The following TRDN variants were observed in gnomAD, a reference collection of about 807,000 sequenced individuals.
TRDN encodes triadin, also known as triadin in skeletal muscle.
In TRDN, 161 loss-of-function variants were observed where a neutral mutation model predicts 149.7. The observed-to-expected ratio is 1.08, with a 90% CI of 0.95 to 1.23. The LOEUF is 1.23. TRDN is among the 50% of genes most tolerant of loss of function. The pLI is 0.00. For synonymous variants in TRDN, 294 were observed against 250.5 expected (o/e 1.17, Z -1.64); for missense variants, 896 against 823.5 (o/e 1.09, Z -1.08).
chr6:123,461,690 C>T (rs1023851562), intron 10 of TRDN, among the ~76,000 whole-genome samples: 3 of 152,140 alleles, frequency 2.0e-5, no homozygotes, highest in African/African-American at 7.2e-5. Flanking sequence ...GCAACATTGC[C>T]TGAAGTTGTT....
chr6:123,545,211 C>G (rs1176078198), intron 4 of TRDN, among the ~76,000 whole-genome samples: 1 of 151,858 alleles, frequency 6.6e-6, no homozygotes, highest in African/African-American at 2.4e-5. Flanking sequence ...TTTTAAAAGA[C>G]TATCATTCTA....
At chr6:123,560,011 T>C (rs921137698) in intron 2 of TRDN, among the ~76,000 whole-genome samples, 22 of 152,326 alleles carry the variant, frequency 1.4e-4, no homozygotes, top group African/African-American at 4.8e-4. Context: ...ACAGACCCCA[T>C]GACTTCAGTC....
chr6:123,262,054 C>CAGTCTGAGT (rs1776791110), intron 33 of TRDN, among the ~76,000 whole-genome samples: 1 of 151,922 alleles, frequency 6.6e-6, no homozygotes, highest in Admixed American at 6.6e-5. Context: ...ATCCAGGTTA[C>CAGTCTGAGT]AGTCTGAGTA....
intron 26 of TRDN, among the ~76,000 whole-genome samples, chr6:123,277,936 C>T (rs1777433083): frequency 6.6e-6 from 1 of 152,146 alleles, no homozygotes; most frequent in Non-Finnish European, 1.5e-5. Context: ...GAAAAAGTTT[C>T]TACTGCCTAC....
intron 16 of TRDN, among the ~76,000 whole-genome samples, chr6:123,379,282 A>C (rs770216766): frequency 6.6e-6 from 1 of 152,228 alleles, no homozygotes; most frequent in Non-Finnish European, 1.5e-5. Context: ...TAAGTGTGGT[A>C]TAATGAGCAA....
rs567355411 is a variant in TRDN at position 123,618,396 on chromosome 6, C to T, written c.22+18358G>A. On this transcript the variant is annotated intron_variant, in intron 1 of 40. Transcript: ENST00000334268. ...GCCAGTGCTGGCTGATTGCATCTCC[C>T]GCTGGCCACCAACAGAAAAAGTTCT... Among the ~76,000 whole-genome samples the T allele has an allele frequency of 7.2e-5, 11 of 152,182 alleles. No individual in the cohort carries two copies. In the South Asian group the frequency reaches 2.3e-3, roughly 32 times the overall value.
At chr6:123,256,014 T>C in intron 35 of TRDN, 112 bp from the exon 36 acceptor site, 1 of 496,962 alleles carries the variant, frequency 2.0e-6, no homozygotes, top group South Asian at 7.5e-5. Context: ...TAGGTATACA[T>C]GTGTCATGGT....
At chr6:123,352,206 G>T (rs2114297820) in intron 21 of TRDN, 1 of 984,310 alleles carries the variant, frequency 1.0e-6, no homozygotes, top group African/African-American at 1.8e-5. Context: ...GTAAGGTGGT[G>T]TTAAAACCAC....
intron 30 of TRDN, 102 bp from the exon 31 acceptor site, chr6:123,269,968 C>A: frequency 1.8e-6 from 2 of 1,113,416 alleles, no homozygotes; most frequent in Non-Finnish European, 2.6e-6. Context: ...TTTTAGGTCA[C>A]CTCCTTAGCT....
rs180960767 is a variant in TRDN at position 123,457,586 on chromosome 6, G to A, written c.931+7320C>T. 5.8e-4 allele frequency: 252 copies of A among 435,130 alleles called. 1 individual carries two copies. The East Asian group carries it at 0.013, about 22-fold the overall frequency. The allele number at this position is 435,130 out of a possible 1,614,324, so 27.0% of individuals were successfully genotyped here. A position where few individuals can be genotyped will look rare whatever the true frequency, so the allele number is the denominator to read the frequency against. ...TCCTTTTTTTTTCTTTTGATGCTTT[G>A]TCACCTATTTGTTTTTGTGTTTTTA... On this transcript the variant is annotated intron_variant, in intron 10 of 40. Transcript: ENST00000334268.
chr6:123,456,986 G>C, intron 10 of TRDN: 1 of 337,996 alleles, frequency 3.0e-6, no homozygotes, highest in South Asian at 2.2e-5. Context: ...GAGCATTGGA[G>C]GAAACATTCT....
At chr6:123,394,133 T>C (rs1772625472) in intron 12 of TRDN, among the ~76,000 whole-genome samples, 1 of 152,120 alleles carries the variant, frequency 6.6e-6, no homozygotes, top group South Asian at 2.1e-4. Context: ...GACTCTAAAA[T>C]GCCCTTCCCT....
At chr6:123,554,729 A>C (rs1781562087) in intron 2 of TRDN, among the ~76,000 whole-genome samples, 1 of 152,160 alleles carries the variant, frequency 6.6e-6, no homozygotes. Context: ...AAGAAAGAAA[A>C]AACAGATAGG....
At chr6:123,587,732 T>C (rs563467473) in intron 1 of TRDN, among the ~76,000 whole-genome samples, 93 of 148,016 alleles carry the variant, frequency 6.3e-4, no homozygotes, top group African/African-American at 2.2e-3. Flanking sequence ...GGGGTGGAGC[T>C]GTTTTATAGG....
chr6:123,539,172 G>A (rs1780698996), intron 4 of TRDN, among the ~76,000 whole-genome samples: 1 of 152,162 alleles, frequency 6.6e-6, no homozygotes, highest in Non-Finnish European at 1.5e-5. Context: ...AAACTCTCAG[G>A]TAATTTCAGA....
At chr6:123,496,331 T>A (rs1047593769) in intron 9 of TRDN, among the ~76,000 whole-genome samples, 6 of 151,560 alleles carry the variant, frequency 4.0e-5, no homozygotes, top group African/African-American at 1.5e-4. Flanking sequence ...AGAAATGAGA[T>A]GTCTCTTTGA....
intron 27 of TRDN, among the ~76,000 whole-genome samples, chr6:123,273,805 T>C (rs868776850): frequency 2.0e-5 from 3 of 152,054 alleles, no homozygotes; most frequent in Non-Finnish European, 4.4e-5. Flanking sequence ...TAATCTTTTA[T>C]AATGAAGAAA....
intron 12 of TRDN, among the ~76,000 whole-genome samples, chr6:123,433,428 T>A (rs527261806): frequency 9.8e-4 from 149 of 152,080 alleles, no homozygotes; most frequent in African/African-American, 3.4e-3. Flanking sequence ...GTAAGCTCCA[T>A]TAGGGCAGAT....
chr6:123,296,727 T>C (rs538338702), intron 24 of TRDN, among the ~76,000 whole-genome samples: 3 of 152,122 alleles, frequency 2.0e-5, no homozygotes, highest in South Asian at 4.1e-4. Context: ...AATAAAATAA[T>C]ATAGTTTTAT....
Sources: gnomAD v4.1 joint callset for allele counts (sites outside exome capture counted in the v4.1 genomes callset) on GRCh38, gnomAD v4.1.1 for gene constraint, MANE v1.5 for transcripts, NCBI Gene and HGNC (gene_info 2026-07-23, HGNC 2026-07-21) for gene names.